CALN1: variants seen among roughly 807,000 people sequenced by gnomAD.
The protein encoded by CALN1 is calneuron 1, also known as calcium-binding protein 8.
A neutral mutation model predicts 30.6 loss-of-function variants in CALN1; 17 were observed. The ratio of observed to expected loss-of-function variants is 0.56; its 90% CI spans 0.38 to 0.83. The LOEUF is 0.83. Ranked by LOEUF, CALN1 falls within the 40% of genes least tolerant of loss-of-function variation. The pLI is 0.00. For missense variants in CALN1, 291 were observed against 354.9 expected (o/e 0.82, Z 1.45); for synonymous variants, 156 against 131.4 (o/e 1.19, Z -1.28).
At chr7:71,958,244 T>TA (rs1486930722) in intron 5 of CALN1, among the ~76,000 whole-genome samples, 8 of 152,134 alleles carry the variant, frequency 5.3e-5, no homozygotes, top group African/African-American at 1.9e-4. Flanking sequence ...ATCTCACCTC[T>TA]CCCAACCTCC....
chr7:71,880,183 A>G (rs1366549923), intron 5 of CALN1, among the ~76,000 whole-genome samples: 1 of 152,200 alleles, frequency 6.6e-6, no homozygotes, highest in African/African-American at 2.4e-5. Context: ...ACATTCTCAA[A>G]CAATTGCTCA....
chr7:72,205,574 A>ATATATATATATATATATATG (rs1791806741), intron 3 of CALN1, among the ~76,000 whole-genome samples: 1 of 123,740 alleles, frequency 8.1e-6, no homozygotes, highest in Non-Finnish European at 1.6e-5. Context: ...ATATGTATAT[A>ATATATATATATATATATATG]TATATATATA....
chr7:71,981,111 T>C (rs925412673), intron 5 of CALN1, among the ~76,000 whole-genome samples: 2 of 152,170 alleles, frequency 1.3e-5, no homozygotes, highest in Non-Finnish European at 2.9e-5. Flanking sequence ...TGCTATGATA[T>C]ATATTAGTTT....
the CALN1 span, among the ~76,000 whole-genome samples, chr7:72,455,600 C>G: frequency 6.6e-6 from 1 of 151,968 alleles, no homozygotes. Flanking sequence ...ATGTACAGTA[C>G]AGCCCCTGGT....
chr7:72,359,423 C>T (rs1456100944), intron 2 of CALN1, among the ~76,000 whole-genome samples: 1 of 152,182 alleles, frequency 6.6e-6, no homozygotes, highest in East Asian at 1.9e-4. Flanking sequence ...TTACATATAT[C>T]TGCTGCTTCT....
intron 2 of CALN1, among the ~76,000 whole-genome samples, chr7:72,316,779 T>C (rs566348129): frequency 4.0e-5 from 6 of 151,820 alleles, no homozygotes; most frequent in African/African-American, 1.2e-4. Context: ...ACCCTGTTTC[T>C]ACAAAAAACT....
chr7:71,888,561 TA>T (rs34069918), intron 5 of CALN1, among the ~76,000 whole-genome samples: 3 of 151,326 alleles, frequency 2.0e-5, no homozygotes, highest in African/African-American at 7.3e-5. Flanking sequence ...AAGAAACGGC[TA>T]AAAAGTAGTC....
At chr7:72,074,668 A>T (rs1325992588) in intron 4 of CALN1, among the ~76,000 whole-genome samples, 1 of 152,160 alleles carries the variant, frequency 6.6e-6, no homozygotes, top group Admixed American at 6.5e-5. Context: ...TTGGCCTCCC[A>T]AAGTGTTGGG....
intron 3 of CALN1, among the ~76,000 whole-genome samples, chr7:72,193,187 CAAAAA>C: frequency 1.0e-5 from 1 of 98,712 alleles, no homozygotes; most frequent in South Asian, 2.9e-4. Context: ...GACTCCATCT[CAAAAA>C]AAAAGAAAAG....
At chr7:71,877,601 A>G (rs1792322477) in intron 5 of CALN1, among the ~76,000 whole-genome samples, 1 of 152,112 alleles carries the variant, frequency 6.6e-6, no homozygotes, top group Admixed American at 6.5e-5. Flanking sequence ...TAAATTATTT[A>G]TGAATACATT....
intron 2 of CALN1, among the ~76,000 whole-genome samples, chr7:72,362,612 A>T (rs1408483601): frequency 6.6e-6 from 1 of 151,976 alleles, no homozygotes; most frequent in Non-Finnish European, 1.5e-5. Flanking sequence ...CTCTCATCTC[A>T]CACTCTTTTA....
intron 5 of CALN1, among the ~76,000 whole-genome samples, chr7:71,881,205 C>G: frequency 6.6e-6 from 1 of 152,148 alleles, no homozygotes; most frequent in East Asian, 1.9e-4. Context: ...GGCCTTTTGG[C>G]CACAGACTGA....
chr7:71,826,215 G>A (rs1331385363), intron 5 of CALN1, among the ~76,000 whole-genome samples: 1 of 152,000 alleles, frequency 6.6e-6, no homozygotes, highest in African/African-American at 2.4e-5. Flanking sequence ...ATCAGCTCAA[G>A]GGAGCAAGGG....
intron 2 of CALN1, among the ~76,000 whole-genome samples, chr7:72,364,850 C>T (rs999474746): frequency 6.6e-6 from 1 of 152,194 alleles, no homozygotes; most frequent in African/African-American, 2.4e-5. Flanking sequence ...GCCTTGCCAA[C>T]ATAGTGAAAC....
intron 3 of CALN1, among the ~76,000 whole-genome samples, chr7:72,201,520 G>A (rs918495231): frequency 6.6e-6 from 1 of 151,888 alleles, no homozygotes; most frequent in Non-Finnish European, 1.5e-5. Flanking sequence ...GAACCTGGTA[G>A]GCAAAGGCTG....
chr7:72,200,998 C>T (rs1047913829), intron 3 of CALN1, among the ~76,000 whole-genome samples: 4 of 152,174 alleles, frequency 2.6e-5, no homozygotes, highest in African/African-American at 7.2e-5. Context: ...TATTGCAGCA[C>T]TATTCACAAT....
intron 2 of CALN1, among the ~76,000 whole-genome samples, chr7:72,331,607 GAC>G (rs1386256808): frequency 6.6e-6 from 1 of 152,216 alleles, no homozygotes; most frequent in Non-Finnish European, 1.5e-5. Flanking sequence ...AGGGGTGTGA[GAC>G]AGCAACTTTT....
chr7:72,210,924 A>C (rs1296610613), intron 3 of CALN1, among the ~76,000 whole-genome samples: 3 of 151,934 alleles, frequency 2.0e-5, no homozygotes, highest in Admixed American at 2.0e-4. Flanking sequence ...GGATGGTGGT[A>C]CAAGCTTGTG....
At position 72,353,572 on chromosome 7, in the gene CALN1, T is replaced by G. The variant is rs561934787; in HGVS notation, c.119+49679A>C. ...AAAGTTTGGAATAAAAGGGAACTTT[T>G]TCATCCTGCTAAGGGGTACTACAAA... On this transcript the variant is annotated intron_variant, in intron 2 of 6. Transcript: ENST00000395275. 4.3e-4 allele frequency among the ~76,000 whole-genome samples: 66 copies of G among 152,266 alleles called. 1 individual carries two copies. Among genetic ancestry groups the G allele is most frequent in the African/African-American group, 1.5e-3 (63 of 41,564 alleles).
Sources: allele counts gnomAD v4.1 joint callset (sites outside exome capture counted in the v4.1 genomes callset), GRCh38; gene constraint gnomAD v4.1.1; transcripts MANE v1.5; gene names NCBI Gene and HGNC (gene_info 2026-07-23, HGNC 2026-07-21).